Variants in CYTH4 observed in about 807,000 individuals in gnomAD.
CYTH4 encodes cytohesin-4.
In CYTH4, 22 loss-of-function variants were observed where a neutral mutation model predicts 57.5. The observed-to-expected ratio is 0.38, with a 90% CI of 0.27 to 0.55. The LOEUF is 0.55. Ranked by LOEUF, CYTH4 falls within the 20% of genes least tolerant of loss-of-function variation. The pLI is 0.74. For synonymous variants in CYTH4, 186 were observed against 206.5 expected, an observed-to-expected ratio of 0.90 and a Z score of 0.85; for missense variants, 420 against 535.6, an observed-to-expected ratio of 0.78 and a Z score of 2.13.
At position 37,311,325 on chromosome 22, in the gene CYTH4, C is replaced by G. The variant is rs536654023; in HGVS notation, c.886-131C>G. ...ACATGCTGCTTCTAACTTCCGTCCC[C>G]CTATGACTGGACAGTCTCGGAAGAT... On this transcript the variant is annotated intron_variant, in intron 10 of 12. Transcript: ENST00000248901. This position sits in a 1 kb window ranked among gnomAD's most constrained non-coding sequence, Gnocchi z 4.4. 1.2e-6 allele frequency: 1 copy of G among 853,414 alleles called. No homozygotes were observed. The highest frequency in any genetic ancestry group is 2.6e-5 in the East Asian group (1 of 38,936). 52.9% of individuals were successfully genotyped at this position (853,414 alleles called of 1,614,324 possible).
chr22:37,290,392 G>A (rs1037890470), intron 1 of CYTH4, among the ~76,000 whole-genome samples: 1 of 152,200 alleles, frequency 6.6e-6, no homozygotes, highest in African/African-American at 2.4e-5. Context: ...TTGCCACAAT[G>A]TTGCAGGACT....
intron 7 of CYTH4, among the ~76,000 whole-genome samples, chr22:37,301,325 C>T (rs942892864): frequency 6.6e-5 from 10 of 152,052 alleles, no homozygotes; most frequent in Admixed American, 3.3e-4. Flanking sequence ...TTCTCAGAGG[C>T]GGTGAGGTCT....
chr22:37,303,153 C>A, intron 7 of CYTH4, 101 bp from the exon 8 acceptor site: 1 of 1,473,300 alleles, frequency 6.8e-7, no homozygotes, highest in Non-Finnish European at 8.9e-7. Context: ...CAAGGTGGAC[C>A]TTCGGGGCCT....
intron 1 of CYTH4, among the ~76,000 whole-genome samples, chr22:37,285,111 C>A (rs1025355594): frequency 6.6e-6 from 1 of 152,186 alleles, no homozygotes; most frequent in Non-Finnish European, 1.5e-5. Context: ...CCTCCTCCTG[C>A]CCTGGAAAGG....
At chr22:37,294,826 G>C in intron 3 of CYTH4, 102 bp downstream of exon 3, 2 of 1,384,066 alleles carry the variant, frequency 1.4e-6, no homozygotes, top group Non-Finnish European at 2.0e-6. Context: ...CCCTGGACCT[G>C]GTGAAATCAG....
chr22:37,289,935 G>T (rs1434163810), intron 1 of CYTH4, among the ~76,000 whole-genome samples: 1 of 152,184 alleles, frequency 6.6e-6, no homozygotes, highest in Non-Finnish European at 1.5e-5. Flanking sequence ...GGTCTCAAGA[G>T]TGGCACCCAC....
chr22:37,314,501 G>A lies in CYTH4; in HGVS notation c.*990G>A. On this transcript the variant is annotated 3_prime_UTR_variant, in exon 13 of 13. Transcript: ENST00000248901. ...CTGGAGGCAGTGGCTGAGCCAGAAA[G>A]TAACACAGAGCTCATGCTTGGAGAG... The A allele has an allele frequency of 2.5e-6, 1 of 398,592 alleles. No individual in the cohort carries two copies. The allele number at this position is 398,592 out of a possible 1,614,324, so 24.7% of individuals were successfully genotyped here.
At chr22:37,310,770 G>A (rs969486290) in intron 9 of CYTH4, among the ~76,000 whole-genome samples, 3 of 152,110 alleles carry the variant, frequency 2.0e-5, no homozygotes, top group Admixed American at 6.5e-5. Context: ...CCACCCAAAC[G>A]CCAGCTCAAG....
chr22:37,284,314 G>A (rs1928473187), intron 1 of CYTH4, among the ~76,000 whole-genome samples: 2 of 152,294 alleles, frequency 1.3e-5, no homozygotes, highest in Admixed American at 6.5e-5. Context: ...AACCCTGGGG[G>A]ACAGGTGTTG....
rs1486129160 is a variant in CYTH4, at chr22:37,310,978, C to A, written c.809-10C>A. The A allele has an allele frequency of 4.3e-6, 7 of 1,613,936 alleles. No homozygotes were observed. In the South Asian group the frequency reaches 7.7e-5, roughly 18 times the overall value. On this transcript the variant is annotated splice_polypyrimidine_tract_variant and intron_variant, in intron 9 of 12. Transcript: ENST00000248901. The stretch of plus-strand genomic sequence containing the variant: ...AGGACTGACCAGCTTGCTACATTGG[C>A]CTTGCGCAGGGGGCCGCGTGAAGAC...
In CYTH4 at chr22:37,295,824, G is replaced by A. The variant is rs963999907; in HGVS notation, c.168-175G>A. Among the ~76,000 whole-genome samples, 5 of 152,238 alleles carry A rather than the reference G, an allele frequency of 3.3e-5. No homozygotes were observed. Among genetic ancestry groups the A allele is most frequent in the Non-Finnish European group, 5.9e-5 (4 of 68,042 alleles). ...GAAGTCAGCTGCAGAGCTCTGGGAG[G>A]AGCCAGGCCTTGCACTGCTCTCTCC... On this transcript the variant is annotated intron_variant, in intron 3 of 12. Transcript: ENST00000248901. The surrounding 1 kb of genome is among the most constrained non-coding windows in gnomAD (Gnocchi z 4.1).
chr22:37,304,358 A>G, intron 8 of CYTH4: 1 of 440,988 alleles, frequency 2.3e-6, no homozygotes, highest in South Asian at 1.6e-5. Flanking sequence ...TGACAGCCTC[A>G]GGAGTTTGCC....
At chr22:37,301,671 G>A (rs1301624530) in intron 7 of CYTH4, among the ~76,000 whole-genome samples, 1 of 136,966 alleles carries the variant, frequency 7.3e-6, no homozygotes, top group Non-Finnish European at 1.5e-5. Flanking sequence ...CACAGGCAAA[G>A]CCACTCAATC....
chr22:37,294,817 C>T (rs1323017225), intron 3 of CYTH4, 93 bp downstream of exon 3: 1 of 1,451,622 alleles, frequency 6.9e-7, no homozygotes, highest in Non-Finnish European at 9.6e-7. Flanking sequence ...CTCCCAGCCC[C>T]CTGGACCTGG....
intron 1 of CYTH4, among the ~76,000 whole-genome samples, chr22:37,285,500 G>A (rs1208752043): frequency 6.6e-6 from 1 of 152,144 alleles, no homozygotes; most frequent in African/African-American, 2.4e-5. Context: ...GAGGTCAGGA[G>A]ATCGAGACCA....
intron 1 of CYTH4, among the ~76,000 whole-genome samples, chr22:37,284,251 C>A (rs1419022406): frequency 1.3e-5 from 2 of 152,198 alleles, no homozygotes; most frequent in Non-Finnish European, 2.9e-5. Flanking sequence ...CTACAAACGA[C>A]CTTCCAGTGT....
intron 6 of CYTH4, 45 bp downstream of exon 6, chr22:37,299,351 G>C (rs1441846211): frequency 9.7e-6 from 15 of 1,540,158 alleles, no homozygotes; most frequent in African/African-American, 1.4e-5. Flanking sequence ...GGGTGGCACA[G>C]CCCCAGTGGC....
intron 4 of CYTH4, chr22:37,296,693 C>G (rs1233403986): frequency 6.5e-6 from 1 of 154,138 alleles, no homozygotes; most frequent in Non-Finnish European, 1.4e-5. Context: ...GGCTCCCTGT[C>G]CCCATCACAG....
intron 1 of CYTH4, among the ~76,000 whole-genome samples, chr22:37,288,136 C>T (rs1447128982): frequency 1.3e-5 from 2 of 152,078 alleles, no homozygotes; most frequent in Non-Finnish European, 2.9e-5. Context: ...AGAAATTGGC[C>T]CAGTGCGGTG....
Sources: gnomAD v4.1 joint callset for allele counts (sites outside exome capture counted in the v4.1 genomes callset) on GRCh38, gnomAD v4.1.1 for gene constraint, Gnocchi (gnomAD v3.1) non-coding constraint, MANE v1.5 for transcripts, NCBI Gene and HGNC (gene_info 2026-07-23, HGNC 2026-07-21) for gene names.